Variants in CAST observed in about 807,000 individuals in gnomAD.
CAST encodes calpastatin.
A neutral mutation model predicts 119.6 loss-of-function variants in CAST; 76 were observed. That is an observed-to-expected ratio of 0.64 (90% confidence interval 0.53 to 0.77). The LOEUF (loss-of-function observed/expected upper bound fraction) is 0.77, where lower values mean the gene tolerates loss of function less well. CAST is among the 30% of genes least tolerant of loss of function. CAST has a pLI of 0.00. For missense variants in CAST, 953 were observed against 946.5 expected, an observed-to-expected ratio of 1.01 and a Z score of -0.09; for synonymous variants, 319 against 331.6, an observed-to-expected ratio of 0.96 and a Z score of 0.41.
At chr5:95,972,660 T>C in the CAST span, among the ~76,000 whole-genome samples, 1 of 152,234 alleles carries the variant, frequency 6.6e-6, no homozygotes, top group Admixed American at 6.5e-5. Flanking sequence ...GCCTTGTTTT[T>C]TCTTTCTCTT....
At chr5:96,186,521 C>T in the CAST span, among the ~76,000 whole-genome samples, 1 of 152,162 alleles carries the variant, frequency 6.6e-6, no homozygotes, top group Non-Finnish European at 1.5e-5. Context: ...ATGTGTGTTC[C>T]TTCAATACCT....
At chr5:96,603,759 C>CTTTTT (rs70981832) in intron 1 of CAST, among the ~76,000 whole-genome samples, 38 of 79,502 alleles carry the variant, frequency 4.8e-4, no homozygotes, top group African/African-American at 7.3e-4. Flanking sequence ...GTGCTGTACT[C>CTTTTT]TTTTTTTTTT....
intron 1 of CAST, among the ~76,000 whole-genome samples, chr5:96,535,719 G>A (rs1350495169): frequency 2.0e-5 from 3 of 151,602 alleles, no homozygotes; most frequent in African/African-American, 4.8e-5. Flanking sequence ...GACTACAGGC[G>A]CCCGCCACCA....
the CAST span, among the ~76,000 whole-genome samples, chr5:96,250,410 G>A: frequency 3.9e-5 from 6 of 152,202 alleles, no homozygotes; most frequent in East Asian, 1.9e-4. Context: ...GAAGGTGACT[G>A]TTGTCACTCC....
chr5:96,009,812 T>C, the CAST span, among the ~76,000 whole-genome samples: 1 of 152,204 alleles, frequency 6.6e-6, no homozygotes, highest in Non-Finnish European at 1.5e-5. Flanking sequence ...ATCCCACTTG[T>C]TAATTTTTGT....
chr5:96,747,455 A>G, intron 18 of CAST, 63 bp downstream of exon 18: 2 of 1,113,928 alleles, frequency 1.8e-6, no homozygotes, highest in Non-Finnish European at 2.7e-6. Context: ...ATGAATTAAG[A>G]TAATTTTGAC....
At chr5:96,770,992 T>A (rs1772101711) in intron 30 of CAST, among the ~76,000 whole-genome samples, 1 of 152,134 alleles carries the variant, frequency 6.6e-6, no homozygotes, top group Non-Finnish European at 1.5e-5. Flanking sequence ...CTAGGTCCCT[T>A]CCAATTCCAA....
intron 7 of CAST, 79 bp downstream of exon 7, chr5:96,729,288 A>C: frequency 1.2e-6 from 1 of 816,042 alleles, no homozygotes; most frequent in Non-Finnish European, 2.1e-6. Flanking sequence ...ATTAATTCAA[A>C]ACTAATCCCT....
At chr5:96,371,766 GT>G in the CAST span, among the ~76,000 whole-genome samples, 1 of 152,086 alleles carries the variant, frequency 6.6e-6, no homozygotes, top group African/African-American at 2.4e-5. Flanking sequence ...GTCTATACTG[GT>G]CTTTAAAAGC....
At chr5:96,363,284 G>C in the CAST span, among the ~76,000 whole-genome samples, 108 of 148,844 alleles carry the variant, frequency 7.3e-4, no homozygotes, top group Non-Finnish European at 1.0e-4. Context: ...CTCCAGCTTT[G>C]TTCTTTTGGC....
At chr5:96,616,121 C>G (rs918315958) in intron 1 of CAST, among the ~76,000 whole-genome samples, 2 of 152,180 alleles carry the variant, frequency 1.3e-5, no homozygotes, top group Non-Finnish European at 2.9e-5. Context: ...TCTGTCTTTC[C>G]GAGCCCACTG....
At chr5:96,269,795 G>T in the CAST span, among the ~76,000 whole-genome samples, 1 of 152,098 alleles carries the variant, frequency 6.6e-6, no homozygotes, top group Non-Finnish European at 1.5e-5. Flanking sequence ...AGACCTGATG[G>T]CTTCACTGCT....
At chr5:96,325,643 C>G in the CAST span, among the ~76,000 whole-genome samples, 5 of 151,942 alleles carry the variant, frequency 3.3e-5, no homozygotes, top group Admixed American at 3.3e-4. Context: ...CCACGTCCGG[C>G]TAAGTTTTGT....
the CAST span, among the ~76,000 whole-genome samples, chr5:96,104,274 A>T: frequency 7.9e-5 from 12 of 151,970 alleles, no homozygotes; most frequent in Admixed American, 6.6e-4. Flanking sequence ...TTTTGTTGCC[A>T]TTGCTTTTGG....
the CAST span, among the ~76,000 whole-genome samples, chr5:96,321,464 C>T: frequency 4.6e-5 from 7 of 152,324 alleles, no homozygotes; most frequent in East Asian, 1.3e-3. Flanking sequence ...CTCAAAGTGT[C>T]ATAGTGATGA....
At chr5:96,280,492 T>C in the CAST span, among the ~76,000 whole-genome samples, 1 of 152,218 alleles carries the variant, frequency 6.6e-6, no homozygotes, top group Non-Finnish European at 1.5e-5. Flanking sequence ...TAAGTCTCTG[T>C]ACGGAGAGAG....
chr5:96,755,455 T>C (rs1354520483), intron 22 of CAST, among the ~76,000 whole-genome samples: 1 of 152,212 alleles, frequency 6.6e-6, no homozygotes, highest in Non-Finnish European at 1.5e-5. Flanking sequence ...ACATTGAGTA[T>C]AGTGTTAAGT....
At chr5:96,549,821 G>A (rs759151643) in intron 1 of CAST, among the ~76,000 whole-genome samples, 15 of 152,224 alleles carry the variant, frequency 9.9e-5, no homozygotes, top group Non-Finnish European at 1.8e-4. Flanking sequence ...GACCTGGGAC[G>A]TGGGAGCTTG....
At chr5:96,473,048 C>T in the CAST span, among the ~76,000 whole-genome samples, 2 of 152,188 alleles carry the variant, frequency 1.3e-5, no homozygotes, top group Non-Finnish European at 2.9e-5. Flanking sequence ...TCCAGTTTCC[C>T]TCTCCTTTCT....
Sources: gnomAD v4.1 joint callset for allele counts (sites outside exome capture counted in the v4.1 genomes callset) on GRCh38, gnomAD v4.1.1 for gene constraint, MANE v1.5 for transcripts, NCBI Gene and HGNC (gene_info 2026-07-23, HGNC 2026-07-21) for gene names.